RNF149: variants seen among roughly 807,000 people sequenced by gnomAD.
The protein encoded by RNF149 is E3 ubiquitin-protein ligase RNF149.
A neutral mutation model predicts 39.0 loss-of-function variants in RNF149; 21 were observed. The ratio of observed to expected loss-of-function variants is 0.54; its 90% CI spans 0.38 to 0.77. The LOEUF is 0.77. RNF149 is among the 30% of genes least tolerant of loss of function. The probability of loss-of-function intolerance (pLI) is 0.00; values close to 1 mark genes in which losing one functional copy is unlikely to be tolerated. For missense variants in RNF149, 493 were observed against 534.9 expected (o/e 0.92, Z 0.77); for synonymous variants, 209 against 213.6 (o/e 0.98, Z 0.19).
At chr2:101,281,237 T>G (rs1682572352) in intron 6 of RNF149, among the ~76,000 whole-genome samples, 1 of 152,074 alleles carries the variant, frequency 6.6e-6, no homozygotes, top group Non-Finnish European at 1.5e-5. Context: ...TCTGTAGCTG[T>G]AAAAAATTAT....
chr2:101,290,616 C>A (rs1318039187), intron 3 of RNF149, among the ~76,000 whole-genome samples: 1 of 152,016 alleles, frequency 6.6e-6, no homozygotes, highest in Non-Finnish European at 1.5e-5. Context: ...TTTACATTTG[C>A]TAAAGAATGG....
chr2:101,286,513 T>G (rs1021088571), intron 4 of RNF149: 2 of 185,522 alleles, frequency 1.1e-5, no homozygotes, highest in Admixed American at 1.2e-4. Flanking sequence ...AAACTAATAC[T>G]AAACTGGAAG....
At chr2:101,291,931 G>C (rs566087577) in intron 3 of RNF149, among the ~76,000 whole-genome samples, 2 of 152,200 alleles carry the variant, frequency 1.3e-5, no homozygotes, top group African/African-American at 4.8e-5. Flanking sequence ...TGAATCCACT[G>C]TAAGTTGAAA....
intron 1 of RNF149, among the ~76,000 whole-genome samples, chr2:101,299,522 G>T (rs1683370651): frequency 6.6e-6 from 1 of 152,170 alleles, no homozygotes; most frequent in Non-Finnish European, 1.5e-5. Flanking sequence ...AATTATGATG[G>T]TTATATCTGA....
At position 101,276,628 on chromosome 2, in the gene RNF149, G is replaced by C. The variant is rs780026790; in HGVS notation, c.*610C>G. The C allele has an allele frequency of 3.2e-5, 32 of 985,472 alleles. No homozygotes were observed. The highest frequency in any genetic ancestry group is 1.0e-3 in the Middle Eastern group (2 of 1,936). The allele number at this position is 985,472 out of a possible 1,614,324, so 61.0% of individuals were successfully genotyped here. On this transcript the variant is annotated 3_prime_UTR_variant, in exon 7 of 7. Transcript: ENST00000295317. Reference sequence around the variant, plus strand: ...GTCACAAGAAATGAGGCAATAAAGGGAAAAATGCAAATCCTAAAGTCATCT... The same window carrying C: ...GTCACAAGAAATGAGGCAATAAAGGCAAAAATGCAAATCCTAAAGTCATCT...
At chr2:101,301,362 C>G (rs1428222561) in intron 1 of RNF149, among the ~76,000 whole-genome samples, 1 of 150,830 alleles carries the variant, frequency 6.6e-6, no homozygotes, top group Non-Finnish European at 1.5e-5. Context: ...GGGTCTCACT[C>G]TGTTGCCCAG....
In RNF149 at chr2:101,308,316, C is replaced by A; in HGVS notation, c.273G>T (p.Ala91=). The A allele has an allele frequency of 6.3e-7, 1 of 1,583,180 alleles. No homozygotes were observed. Among genetic ancestry groups the A allele is most frequent in the South Asian group, 1.1e-5 (1 of 88,738 alleles). Reference sequence around the variant, plus strand: ...CGGGCACGAAGAAGCGCGTGTCGGGCGCGCAGCCCTCGAGGTCTCCGCCGG... The same window carrying A: ...CGGGCACGAAGAAGCGCGTGTCGGGAGCGCAGCCCTCGAGGTCTCCGCCGG... ...WAPGGDLEGC[A]PDTRFFVPEP... The change falls in exon 1 of 7, where the codon GCG becomes GCT. Residue 91 remains alanine (A), a synonymous_variant. Transcript: ENST00000295317.
intron 1 of RNF149, among the ~76,000 whole-genome samples, chr2:101,306,896 G>A (rs1025574538): frequency 2.0e-5 from 3 of 152,194 alleles, no homozygotes; most frequent in Non-Finnish European, 4.4e-5. Context: ...AAAAACAGAA[G>A]TATAGGAAAA....
chr2:101,287,724 A>G (rs575574364), intron 4 of RNF149, among the ~76,000 whole-genome samples: 15 of 152,322 alleles, frequency 9.8e-5, no homozygotes, highest in Admixed American at 6.5e-4. Context: ...GTAGGTTTAA[A>G]CCAGCTACCT....
Position 101,276,170 on chromosome 2 carries a change from C to T in RNF149, c.*1068G>A. 1.0e-6 allele frequency: 1 copy of T among 979,194 alleles called. No homozygotes were observed. Among genetic ancestry groups the T allele is most frequent in the Non-Finnish European group, 1.2e-6 (1 of 824,342 alleles). 60.7% of individuals were successfully genotyped at this position (979,194 alleles called of 1,614,324 possible). A position where few individuals can be genotyped will look rare whatever the true frequency, so the allele number is the denominator to read the frequency against. On this transcript the variant is annotated 3_prime_UTR_variant, in exon 7 of 7. Transcript: ENST00000295317. ...GGAGCAAGGAAAGACTATAATTCCACACTCTAAAAAATAACTGCCTCATAC... is the reference window on the plus strand; with the variant it reads ...GGAGCAAGGAAAGACTATAATTCCATACTCTAAAAAATAACTGCCTCATAC...
At chr2:101,304,397 AAAAACAAAAC>A (rs930310729) in intron 1 of RNF149, among the ~76,000 whole-genome samples, 1 of 152,164 alleles carries the variant, frequency 6.6e-6, no homozygotes, top group African/African-American at 2.4e-5. Context: ...ACCTTGCCTC[AAAAACAAAAC>A]AAAACAAAAC....
intron 1 of RNF149, among the ~76,000 whole-genome samples, chr2:101,303,806 G>C (rs1334310383): frequency 6.6e-6 from 1 of 152,060 alleles, no homozygotes; most frequent in Non-Finnish European, 1.5e-5. Context: ...TAATCAATAG[G>C]AGGGATTTCT....
chr2:101,295,290 A>C, intron 1 of RNF149, 109 bp from the exon 2 acceptor site: 1 of 930,010 alleles, frequency 1.1e-6, no homozygotes, highest in Non-Finnish European at 1.6e-6. Flanking sequence ...AATACATTAG[A>C]AAAATTCCAT....
In RNF149 at chr2:101,282,864, C is replaced by T. The variant is rs367907639; in HGVS notation, c.961-807G>A. ...GGCTGTGCCCCCCACAGCCCTGCTCCACCTGTGTTCTAGAACCTGCCCCTC... is the reference window on the plus strand; with the variant it reads ...GGCTGTGCCCCCCACAGCCCTGCTCTACCTGTGTTCTAGAACCTGCCCCTC... On this transcript the variant is annotated intron_variant, in intron 5 of 6. Transcript: ENST00000295317. 6.6e-5 allele frequency among the ~76,000 whole-genome samples: 10 copies of T among 152,164 alleles called. 1 individual carries two copies. In the East Asian group the frequency reaches 1.4e-3, roughly 21 times the overall value.
At chr2:101,298,846 T>C (rs1683341984) in intron 1 of RNF149, among the ~76,000 whole-genome samples, 2 of 152,186 alleles carry the variant, frequency 1.3e-5, no homozygotes, top group African/African-American at 2.4e-5. Context: ...CATGTGCACA[T>C]ATTAGCTATT....
At chr2:101,281,252 T>C (rs1373503417) in intron 6 of RNF149, among the ~76,000 whole-genome samples, 2 of 152,070 alleles carry the variant, frequency 1.3e-5, no homozygotes, top group East Asian at 3.9e-4. Context: ...AATTATCTAT[T>C]TATCAACATA....
intron 6 of RNF149, among the ~76,000 whole-genome samples, chr2:101,279,885 C>G (rs1682505020): frequency 6.6e-6 from 1 of 152,172 alleles, no homozygotes; most frequent in Non-Finnish European, 1.5e-5. Context: ...AATTCAAAAC[C>G]TGAAGCATCG....
intron 3 of RNF149, among the ~76,000 whole-genome samples, chr2:101,290,154 T>G (rs1397565266): frequency 1.3e-5 from 2 of 152,222 alleles, no homozygotes; most frequent in Non-Finnish European, 2.9e-5. Context: ...CCCTCCACCC[T>G]GGTGACACAG....
intron 1 of RNF149, among the ~76,000 whole-genome samples, chr2:101,304,388 C>G (rs754032693): frequency 6.6e-6 from 1 of 152,134 alleles, no homozygotes; most frequent in Non-Finnish European, 1.5e-5. Flanking sequence ...CAGAGCAAGA[C>G]CTTGCCTCAA....
Sources: gnomAD v4.1 joint callset for allele counts (sites outside exome capture counted in the v4.1 genomes callset) on GRCh38, gnomAD v4.1.1 for gene constraint, MANE v1.5 for transcripts, NCBI Gene and HGNC (gene_info 2026-07-23, HGNC 2026-07-21) for gene names.